Variants in MAN1A1 observed in about 807,000 individuals in gnomAD.
The protein encoded by MAN1A1 is mannosyl-oligosaccharide 1,2-alpha-mannosidase IA.
In MAN1A1, 29 loss-of-function variants were observed where a neutral mutation model predicts 70.8. That is an observed-to-expected ratio of 0.41 (90% CI 0.31 to 0.56). The LOEUF is 0.56. Ranked by LOEUF, MAN1A1 falls within the 20% of genes least tolerant of loss-of-function variation. The pLI, the probability that MAN1A1 is intolerant of heterozygous loss-of-function variation, is 0.29. For missense variants in MAN1A1, 747 were observed against 841.3 expected (o/e 0.89, Z 1.39); for synonymous variants, 349 against 330.1 (o/e 1.06, Z -0.62).
intron 5 of MAN1A1, among the ~76,000 whole-genome samples, chr6:119,255,809 C>G (rs558550347): frequency 6.1e-4 from 93 of 152,298 alleles, no homozygotes; most frequent in African/African-American, 2.2e-3. Flanking sequence ...TTCACCGTCT[C>G]TTTCTTTCTT....
rs549211080 is a variant in MAN1A1 at position 119,207,759 on chromosome 6, G to C, written c.993-2877C>G. On this transcript the variant is annotated intron_variant, in intron 6 of 12. Coordinates refer to ENST00000368468, the MANE Select transcript of MAN1A1 (RefSeq NM_005907.4). The stretch of plus-strand genomic sequence containing the variant: ...GGACATGGGCATTTGACACTCAAAT[G>C]GGGGGGTTGGTGACAAAGGGAAATG... Among the ~76,000 whole-genome samples, 14 of 152,214 alleles carry C rather than the reference G, an allele frequency of 9.2e-5. No homozygotes were observed. The East Asian group carries it at 2.1e-3, about 23-fold the overall frequency.
intron 6 of MAN1A1, among the ~76,000 whole-genome samples, chr6:119,210,518 G>T (rs1000431176): frequency 6.6e-6 from 1 of 152,044 alleles, no homozygotes; most frequent in Admixed American, 6.6e-5. Flanking sequence ...CATTATTGCT[G>T]TTGAGTGCAT....
At chr6:119,266,613 T>C (rs964729456) in intron 5 of MAN1A1, among the ~76,000 whole-genome samples, 1 of 152,086 alleles carries the variant, frequency 6.6e-6, no homozygotes, top group South Asian at 2.1e-4. Flanking sequence ...TAGACCTAAA[T>C]GTAAAATGCA....
intron 6 of MAN1A1, among the ~76,000 whole-genome samples, chr6:119,233,635 T>C (rs1009357180): frequency 6.6e-6 from 1 of 152,208 alleles, no homozygotes; most frequent in Non-Finnish European, 1.5e-5. Context: ...AAGAGGAAAC[T>C]ATCAAAGCTG....
chr6:119,224,414 C>T lies in MAN1A1; in HGVS notation c.993-19532G>A, dbSNP rs115260539. On this transcript the variant is annotated intron_variant, in intron 6 of 12. Coordinates refer to ENST00000368468, the MANE Select transcript of MAN1A1 (RefSeq NM_005907.4). ...GACTGAATGCTAAATTGCACAGGTA[C>T]GGAGAAGATCCCCAGGGTGCCAGGT... Among the ~76,000 whole-genome samples the T allele has an allele frequency of 3.0e-3, 451 of 152,146 alleles. 1 individual carries two copies. The highest frequency in any genetic ancestry group is 0.011 in the African/African-American group (441 of 41,498).
intron 5 of MAN1A1, among the ~76,000 whole-genome samples, chr6:119,258,446 G>C (rs1775518148): frequency 6.6e-6 from 1 of 152,074 alleles, no homozygotes; most frequent in Non-Finnish European, 1.5e-5. Flanking sequence ...TATTTACATA[G>C]CAATGACATT....
At chr6:119,260,348 T>C (rs1333529088) in intron 5 of MAN1A1, among the ~76,000 whole-genome samples, 1 of 152,210 alleles carries the variant, frequency 6.6e-6, no homozygotes, top group Non-Finnish European at 1.5e-5. Context: ...ATAATAAGGA[T>C]ACACCAGAAC....
chr6:119,254,643 A>G (rs977692956), intron 5 of MAN1A1, among the ~76,000 whole-genome samples: 1 of 152,150 alleles, frequency 6.6e-6, no homozygotes, highest in African/African-American at 2.4e-5. Flanking sequence ...CTAATAGAAG[A>G]TATTTTTAAA....
chr6:119,310,181 T>C lies in MAN1A1; in HGVS notation c.604-3189A>G, dbSNP rs146789268. On this transcript the variant is annotated intron_variant, in intron 2 of 12. Coordinates refer to ENST00000368468, the MANE Select transcript of MAN1A1 (RefSeq NM_005907.4). ...CAAGCACGCTGAAGAAAGAAATACG[T>C]TGGAATTTCCCTAGTATGCATAGAC... is the stretch of plus-strand genomic sequence containing the variant. Among the ~76,000 whole-genome samples the C allele has an allele frequency of 2.0e-3, 308 of 152,358 alleles. 3 individuals carry two copies. Among genetic ancestry groups the C allele is most frequent in the African/African-American group, 6.6e-3 (274 of 41,588 alleles).
chr6:119,325,266 G>C (rs1335031197), intron 2 of MAN1A1, among the ~76,000 whole-genome samples: 1 of 148,820 alleles, frequency 6.7e-6, no homozygotes, highest in Non-Finnish European at 1.5e-5. Flanking sequence ...TCAGAATTAG[G>C]GAGTCTGGCT....
chr6:119,326,555 G>C (rs1317418985), intron 2 of MAN1A1, among the ~76,000 whole-genome samples: 1 of 152,164 alleles, frequency 6.6e-6, no homozygotes, highest in Non-Finnish European at 1.5e-5. Context: ...CTATTAGTCT[G>C]TTTTCACACT....
intron 2 of MAN1A1, among the ~76,000 whole-genome samples, chr6:119,342,294 A>G (rs928950309): frequency 2.6e-5 from 4 of 152,144 alleles, no homozygotes; most frequent in African/African-American, 9.7e-5. Context: ...ACCCTTTTGA[A>G]ACTTCATTAT....
chr6:119,205,577 G>A (rs1773837429), intron 6 of MAN1A1, among the ~76,000 whole-genome samples: 1 of 152,156 alleles, frequency 6.6e-6, no homozygotes. Flanking sequence ...CTTTCTTGGA[G>A]AAATGCTTTT....
At chr6:119,295,299 C>T (rs1211197766) in intron 4 of MAN1A1, among the ~76,000 whole-genome samples, 3 of 152,056 alleles carry the variant, frequency 2.0e-5, no homozygotes, top group African/African-American at 7.2e-5. Flanking sequence ...AACTTATTCA[C>T]CAAAATTAGC....
At chr6:119,234,065 G>T (rs1774768487) in intron 6 of MAN1A1, among the ~76,000 whole-genome samples, 1 of 152,064 alleles carries the variant, frequency 6.6e-6, no homozygotes, top group Admixed American at 6.5e-5. Context: ...TTTTTTCTGT[G>T]ACAAGTGGTT....
Position 119,246,327 on chromosome 6 carries a change from C to T in MAN1A1, c.992+1933G>A, listed in dbSNP as rs148143298. On this transcript the variant is annotated intron_variant, in intron 6 of 12. Coordinates refer to ENST00000368468, the MANE Select transcript of MAN1A1 (RefSeq NM_005907.4). Reference sequence around the variant, plus strand: ...CATCTGCTCTAGGATTGTAAACTGGCGGTCATTGGTGGTCTTCCATTGTAC... The same window carrying T: ...CATCTGCTCTAGGATTGTAAACTGGTGGTCATTGGTGGTCTTCCATTGTAC... Among the ~76,000 whole-genome samples, 438 of 152,140 alleles carry T rather than the reference C, an allele frequency of 2.9e-3. 1 individual carries two copies. In the Middle Eastern group the frequency reaches 0.034, roughly 12 times the overall value.
At chr6:119,232,422 T>C (rs1044923208) in intron 6 of MAN1A1, among the ~76,000 whole-genome samples, 7 of 145,312 alleles carry the variant, frequency 4.8e-5, no homozygotes, top group African/African-American at 1.8e-4. Context: ...TAATGATCAA[T>C]ATACTACAAA....
chr6:119,231,820 A>G (rs1038665374), intron 6 of MAN1A1, among the ~76,000 whole-genome samples: 2 of 152,254 alleles, frequency 1.3e-5, no homozygotes, highest in African/African-American at 4.8e-5. Context: ...AAGGAGAATC[A>G]GTTCTAACAA....
At chr6:119,341,433 C>T (rs550008336) in intron 2 of MAN1A1, among the ~76,000 whole-genome samples, 1 of 152,258 alleles carries the variant, frequency 6.6e-6, no homozygotes, top group East Asian at 1.9e-4. Flanking sequence ...GGAGTGGGGC[C>T]TGGTTCTCAG....
Sources: gnomAD v4.1 joint callset for allele counts (sites outside exome capture counted in the v4.1 genomes callset) on GRCh38, gnomAD v4.1.1 for gene constraint, MANE v1.5 for transcripts, NCBI Gene and HGNC (gene_info 2026-07-23, HGNC 2026-07-21) for gene names.